HECTD3: variants seen among roughly 807,000 people sequenced by gnomAD.
HECTD3 encodes E3 ubiquitin-protein ligase HECTD3.
A neutral mutation model predicts 109.3 loss-of-function variants in HECTD3; 72 were observed. That is an observed-to-expected ratio of 0.66 (90% CI 0.54 to 0.80). The LOEUF is 0.80. Among genes scored for constraint, HECTD3 ranks in the 30% least tolerant of loss-of-function variants. The probability of loss-of-function intolerance (pLI) is 0.00; values close to 1 mark genes in which losing one functional copy is unlikely to be tolerated. For missense variants in HECTD3, 1,041 were observed against 1,165.2 expected (o/e 0.89, Z 1.55); for synonymous variants, 481 against 471.8 (o/e 1.02, Z -0.25).
chr1:45,006,300 C>T lies in HECTD3; in HGVS notation c.1726-184G>A. On this transcript the variant is annotated intron_variant, in intron 13 of 20. Coordinates refer to ENST00000372172, the MANE Select transcript of HECTD3 (RefSeq NM_024602.6). This position sits in a 1 kb window ranked among gnomAD's most constrained non-coding sequence, Gnocchi z 4.7. ...TGAGCAACTCAGTCCCTCCTCTGCC[C>T]TATTTCTATTTTTTTTTTTTTTTGA... 1.7e-6 allele frequency: 1 copy of T among 602,800 alleles called. No homozygotes were observed. The highest frequency in any genetic ancestry group is 2.7e-6 in the Non-Finnish European group (1 of 364,170). The allele number at this position is 602,800 out of a possible 1,614,324, so 37.3% of individuals were successfully genotyped here. A position where few individuals can be genotyped will look rare whatever the true frequency, so the allele number is the denominator to read the frequency against.
intron 8 of HECTD3, 89 bp from the exon 9 acceptor site, chr1:45,008,410 G>A: frequency 6.7e-7 from 1 of 1,489,182 alleles, no homozygotes; most frequent in Non-Finnish European, 9.4e-7. Context: ...GAAAAGGCAG[G>A]ACCTGGGGGC....
At chr1:45,009,954 T>TAAG in intron 4 of HECTD3, 32 bp downstream of exon 4, 1 of 1,517,608 alleles carries the variant, frequency 6.6e-7, no homozygotes, top group Non-Finnish European at 8.8e-7. Context: ...TGACTATATC[T>TAAG]TGCCTGGGGT....
chr1:45,008,157 T>G, intron 9 of HECTD3, 83 bp downstream of exon 9: 6 of 1,096,282 alleles, frequency 5.5e-6, no homozygotes, highest in South Asian at 1.4e-5. Flanking sequence ...CTAGAGTAGA[T>G]TTTAGGAACT....
Position 45,003,668 on chromosome 1 carries a change from C to T in HECTD3, c.2501+1G>A. 6.2e-7 allele frequency: 1 copy of T among 1,614,182 alleles called. No homozygotes were observed. Among genetic ancestry groups the T allele is most frequent in the Non-Finnish European group, 8.5e-7 (1 of 1,180,034 alleles). Reference sequence around the variant, plus strand: ...CAAATCGAGCCTAGGAAAAAACCCACCTGGCATAGTGTGGCAGGAAGAGGG... The same window carrying T: ...CAAATCGAGCCTAGGAAAAAACCCATCTGGCATAGTGTGGCAGGAAGAGGG... On this transcript the variant is annotated splice_donor_variant, in intron 20 of 20. Transcript: ENST00000372172. LOFTEE classifies it high-confidence loss of function. This position sits in a 1 kb window ranked among gnomAD's most constrained non-coding sequence, Gnocchi z 4.7.
At chr1:45,009,123 C>T in intron 7 of HECTD3, 21 bp downstream of exon 7, 1 of 1,602,986 alleles carries the variant, frequency 6.2e-7, no homozygotes. Context: ...CTCTTTCCCT[C>T]CTTATAGCCT....
Position 45,003,731 on chromosome 1 carries a change from G to A in HECTD3, c.2439C>T (p.Thr813=), listed in dbSNP as rs1488566836. The change falls in exon 20 of 21, where the codon ACC becomes ACT. Residue 813 remains threonine (T), a synonymous_variant. Coordinates refer to ENST00000372172, the MANE Select transcript of HECTD3 (RefSeq NM_024602.6). The surrounding 1 kb of genome is among the most constrained non-coding windows in gnomAD (Gnocchi z 4.7). ...TGGAAGACTCGGGCAGCGCGTCTGT[G>A]GTCTCGTAGCTGGGGGCATTGAGGG... ...YIYPDKLGYE[T]TDALPESSTC... is the part of the protein sequence containing the mutation. 2 of 1,614,052 alleles carry A rather than the reference G, an allele frequency of 1.2e-6. No homozygotes were observed. The highest frequency in any genetic ancestry group is 1.7e-6 in the Non-Finnish European group (2 of 1,179,992).
In HECTD3 at chr1:45,010,863, C is replaced by T. The variant is rs560649304; in HGVS notation, c.369+26G>A. 1.6e-4 allele frequency: 240 copies of T among 1,508,304 alleles called. 2 individuals carry two copies. In the South Asian group the frequency reaches 3.0e-3, roughly 19 times the overall value. The allele number at this position is 1,508,304 out of a possible 1,614,324, so 93.4% of individuals were successfully genotyped here. A position where few individuals can be genotyped will look rare whatever the true frequency, so the allele number is the denominator to read the frequency against. Reference sequence around the variant, plus strand: ...TTCTCTGGCCCCAGGGGTCTTTTACCGGGTCCTGGGCAGGGAAGAGCGCAC... The same window carrying T: ...TTCTCTGGCCCCAGGGGTCTTTTACTGGGTCCTGGGCAGGGAAGAGCGCAC... On this transcript the variant is annotated intron_variant, in intron 1 of 20. Coordinates refer to ENST00000372172, the MANE Select transcript of HECTD3 (RefSeq NM_024602.6).
In HECTD3 at chr1:45,010,981, G is replaced by T; in HGVS notation, c.277C>A (p.Arg93Ser). ...CCGCGCCGGAGCTCAATGCTGTCGC[G>T]GGCGGCGCGGAGGGGCCCGGAGCCG... ...GTGSGPLRAA[R>S]DSIELRRGAC... Residue 93 changes from arginine (R) to serine (S), a missense_variant, in exon 1 of 21, where the codon CGC (arginine) becomes AGC (serine). Coordinates refer to ENST00000372172, the MANE Select transcript of HECTD3 (RefSeq NM_024602.6). 6.7e-7 allele frequency: 1 copy of T among 1,503,750 alleles called. No homozygotes were observed. Among genetic ancestry groups the T allele is most frequent in the South Asian group, 1.3e-5 (1 of 78,352 alleles). The allele number at this position is 1,503,750 out of a possible 1,614,324, so 93.2% of individuals were successfully genotyped here. A position where few individuals can be genotyped will look rare whatever the true frequency, so the allele number is the denominator to read the frequency against.
chr1:45,008,242 TA>T lies in HECTD3; in HGVS notation c.1317del (p.Lys440SerfsTer3). 1 of 1,613,472 alleles carries T rather than the reference TA, an allele frequency of 6.2e-7. No individual in the cohort carries two copies. Among genetic ancestry groups the T allele is most frequent in the Non-Finnish European group, 8.5e-7 (1 of 1,179,450 alleles). ...WDHTLGTFSE[I>X]KQVKQFLLLS... ...CAGCACTGGCTGGGTCGGCTCACCT[TA>T]ATCTCACTGAAGGTGCCCAGTGTGT... On this transcript the variant is annotated frameshift_variant, in exon 9 of 21. Coordinates refer to ENST00000372172, the MANE Select transcript of HECTD3 (RefSeq NM_024602.6). LOFTEE classifies it high-confidence loss of function.
At position 45,003,901 on chromosome 1, in the gene HECTD3, G is replaced by A. The variant is rs1405447353; in HGVS notation, c.2383C>T (p.Arg795Cys). 2.2e-5 allele frequency: 35 copies of A among 1,613,348 alleles called. No homozygotes were observed. The highest frequency in any genetic ancestry group is 2.9e-5 in the Non-Finnish European group (34 of 1,179,716). ...RSRFLRFVTG[R>C]SRLPARIYIY... ...TAGATCCGTGCTGGCAGGCGACTGC[G>A]GCCCGTGACAAAGCGCAGGAAGCGG... Residue 795 changes from arginine to cysteine, a missense_variant, in exon 19 of 21, where the codon CGC becomes TGC. This residue lies in a region of HECTD3 where 569 missense variants were observed against 715.3 expected (regional missense o/e 0.80). Coordinates refer to ENST00000372172, the MANE Select transcript of HECTD3 (RefSeq NM_024602.6). This position sits in a 1 kb window ranked among gnomAD's most constrained non-coding sequence, Gnocchi z 4.7.
chr1:45,003,804 G>A lies in HECTD3; in HGVS notation c.2429+51C>T, dbSNP rs1173078453. 5 of 1,612,024 alleles carry A rather than the reference G, an allele frequency of 3.1e-6. No homozygotes were observed. The highest frequency in any genetic ancestry group is 4.2e-6 in the Non-Finnish European group (5 of 1,178,130). The stretch of plus-strand genomic sequence containing the variant: ...TGGGGCACATGTACGTGTGTGGGGA[G>A]GGAGGACAGAAGGCGGCCATGGCAC... On this transcript the variant is annotated intron_variant, in intron 19 of 20. Coordinates refer to ENST00000372172, the MANE Select transcript of HECTD3 (RefSeq NM_024602.6). This position sits in a 1 kb window ranked among gnomAD's most constrained non-coding sequence, Gnocchi z 4.7.
chr1:45,009,956 G>A, intron 4 of HECTD3, 30 bp downstream of exon 4: 3 of 1,518,054 alleles, frequency 2.0e-6, no homozygotes, highest in Non-Finnish European at 2.6e-6. Context: ...ACTATATCTT[G>A]CCTGGGGTGG....
chr1:45,010,894 T>A lies in HECTD3; in HGVS notation c.364A>T (p.Thr122Ser). ...CTGGGCAGGGAAGAGCGCACCTTTG[T>A]CAGCTTCACCCAGAGCCCGTGGCCA... ...CNGHGLWVKL[T>S]KEQLAEHLGD... The change falls in exon 1 of 21, where the codon ACA becomes TCA. Residue 122 changes from threonine (T) to serine (S), a missense_variant. Physicochemically the swap from Thr to Ser is moderately conservative, Grantham distance 58. Around this residue, in one of 2 missense-constraint regions of HECTD3, gnomAD observed 472 missense variants for 449.9 expected, o/e 1.05. Transcript: ENST00000372172. 6.6e-7 allele frequency: 1 copy of A among 1,525,106 alleles called. No homozygotes were observed. The highest frequency in any genetic ancestry group is 8.7e-7 in the Non-Finnish European group (1 of 1,148,194). The allele number at this position is 1,525,106 out of a possible 1,614,324, so 94.5% of individuals were successfully genotyped here. A position where few individuals can be genotyped will look rare whatever the true frequency, so the allele number is the denominator to read the frequency against.
At chr1:45,009,007 A>C in intron 7 of HECTD3, 137 bp downstream of exon 7, 1 of 770,840 alleles carries the variant, frequency 1.3e-6, no homozygotes, top group Non-Finnish European at 2.2e-6. Context: ...CAGGCCCCAA[A>C]GCTCCAAATC....
intron 1 of HECTD3, 37 bp from the exon 2 acceptor site, chr1:45,010,743 A>T: frequency 6.6e-7 from 1 of 1,524,670 alleles, no homozygotes; most frequent in Non-Finnish European, 8.8e-7. Flanking sequence ...GCCGTCAGGG[A>T]ACTGCCCAGC....
intron 15 of HECTD3, chr1:45,005,036 C>G (rs1644722300): frequency 3.4e-6 from 2 of 588,890 alleles, no homozygotes; most frequent in Non-Finnish European, 6.1e-6. Flanking sequence ...AGCTGAGACC[C>G]AAATGATGGC....
At chr1:45,009,902 C>T in intron 4 of HECTD3, 84 bp downstream of exon 4, 1 of 1,489,878 alleles carries the variant, frequency 6.7e-7, no homozygotes, top group South Asian at 1.4e-5. Context: ...TTAGTCCTGG[C>T]CTGCAGGTGG....
chr1:45,003,924 C>T lies in HECTD3; in HGVS notation c.2360G>A (p.Arg787His), dbSNP rs763798033. Residue 787 changes from arginine to histidine, a missense_variant, in exon 19 of 21, where the codon CGC (arginine) becomes CAC (histidine). Physicochemically the swap from Arg to His is conservative, Grantham distance 29 (BLOSUM62 0). Transcript: ENST00000372172. The surrounding 1 kb of genome is among the most constrained non-coding windows in gnomAD (Gnocchi z 4.7). ...GCGGCCCGTGACAAAGCGCAGGAAG[C>T]GGCTCCGGTCCTCTGGAGGGAGAAG... Reference protein sequence around the residue: ...LNNFTNEDRSRFLRFVTGRSR... With the variant: ...LNNFTNEDRSHFLRFVTGRSR... 1.2e-5 allele frequency: 20 copies of T among 1,613,010 alleles called. No individual in the cohort carries two copies. The African/African-American group carries it at 1.3e-4, about 11-fold the overall frequency.
intron 15 of HECTD3, chr1:45,005,379 G>T: frequency 5.0e-6 from 1 of 198,928 alleles, no homozygotes; most frequent in Non-Finnish European, 1.0e-5. Context: ...GACAGGAAAA[G>T]CAAACAGATT....
Sources: allele counts gnomAD v4.1 joint callset, GRCh38; gene constraint gnomAD v4.1.1; regional missense constraint gnomAD v4.1.1; non-coding constraint Gnocchi (gnomAD v3.1); transcripts MANE v1.5; gene names NCBI Gene and HGNC (gene_info 2026-07-23, HGNC 2026-07-21).